Variants in TLN2 observed in about 807,000 individuals in gnomAD.
The protein encoded by TLN2 is talin-2.
In TLN2, 118 loss-of-function variants were observed where a neutral mutation model predicts 294.7. That is an observed-to-expected ratio of 0.40 (90% CI 0.34 to 0.47). The LOEUF (loss-of-function observed/expected upper bound fraction) is 0.47, where lower values mean the gene tolerates loss of function less well. TLN2 is among the 20% of genes least tolerant of loss of function. The pLI is 0.84. For synonymous variants in TLN2, 1,431 were observed against 1,304.5 expected, an observed-to-expected ratio of 1.10 and a Z score of -2.09; for missense variants, 3,083 against 3,282.2, an observed-to-expected ratio of 0.94 and a Z score of 1.48.
chr15:62,585,207 C>T (rs2117550), intron 1 of TLN2, among the ~76,000 whole-genome samples: 24,389 of 152,156 alleles, frequency 0.16, 2,449 homozygotes, highest in East Asian at 0.38. Context: ...CCAAGTAAAA[C>T]GAGGAAAACC....
At chr15:62,704,854 T>C (rs1051758088) in intron 19 of TLN2, among the ~76,000 whole-genome samples, 1 of 152,230 alleles carries the variant, frequency 6.6e-6, no homozygotes. Flanking sequence ...CAGGTAATTA[T>C]TTGTAGGCAG....
rs1381394971 is a variant in TLN2, at chr15:62,492,554, AAAAAAAG to A, written c.-237-97126_-237-97120del. ...GCGAGACTCTGTCTCAAAAAAAAAA[AAAAAAAG>A]AAAAAAAGAAAAAAAACTATTCCAA... On this transcript the variant is annotated intron_variant, in intron 1 of 58. Transcript: ENST00000636159. Among the ~76,000 whole-genome samples the A allele has an allele frequency of 3.5e-3, 521 of 150,964 alleles. 3 individuals carry two copies. The highest frequency in any genetic ancestry group is 0.012 in the African/African-American group (489 of 41,034).
In TLN2 at chr15:62,707,093, T is replaced by C; in HGVS notation, c.2012T>C (p.Leu671Ser). The C allele has an allele frequency of 6.2e-7, 1 of 1,611,932 alleles. No homozygotes were observed. Among genetic ancestry groups the C allele is most frequent in the Non-Finnish European group, 8.5e-7 (1 of 1,178,686 alleles). ...NETDERFQDV[L>S]MSLAKAVANA... ...TTGATTCCCTTTTCTTAGGATGTTT[T>C]AATGAGTTTGGCCAAAGCTGTTGCC... Residue 671 changes from leucine (L) to serine (S), a missense_variant, in exon 20 of 59, where the codon TTA becomes TCA. Transcript: ENST00000636159.
chr15:62,725,167 T>C lies in TLN2; in HGVS notation c.3255+63T>C, dbSNP rs2060368748. The C allele has an allele frequency of 3.2e-6, 5 of 1,547,030 alleles. No individual in the cohort carries two copies. In the South Asian group the frequency reaches 3.6e-5, roughly 11 times the overall value. On this transcript the variant is annotated intron_variant, in intron 27 of 58. Transcript: ENST00000636159. ...TTTGTTATGACGTTATTAAATTGTT[T>C]GTTGTTAGGGTGTTTGCTAAAGTTG...
intron 7 of TLN2, among the ~76,000 whole-genome samples, chr15:62,654,581 C>A (rs956915746): frequency 6.6e-6 from 1 of 151,682 alleles, no homozygotes; most frequent in Non-Finnish European, 1.5e-5. Context: ...CGGTGAAACC[C>A]TATCTCTGCT....
In TLN2 at chr15:62,713,654, G is replaced by A. The variant is rs138174428; in HGVS notation, c.2634+1577G>A. On this transcript the variant is annotated intron_variant, in intron 22 of 58. Transcript: ENST00000636159. ...AGATCGTGCCATTGCATTCCATCCC[G>A]GGAGATACTGCAAGACTCTGTCTCA... Among the ~76,000 whole-genome samples the A allele has an allele frequency of 9.2e-5, 14 of 152,170 alleles. 1 individual carries two copies. In the East Asian group the frequency reaches 2.7e-3, roughly 29 times the overall value.
chr15:62,769,910 C>G (rs1191622505), intron 41 of TLN2, among the ~76,000 whole-genome samples: 1 of 152,190 alleles, frequency 6.6e-6, no homozygotes, highest in African/African-American at 2.4e-5. Flanking sequence ...AGGATAGATT[C>G]TGAGAGGGGA....
At chr15:62,677,368 C>G (rs780360440) in intron 11 of TLN2, among the ~76,000 whole-genome samples, 25 of 152,234 alleles carry the variant, frequency 1.6e-4, no homozygotes, top group Non-Finnish European at 2.9e-4. Context: ...AGGCTTCACA[C>G]AGTCAGTTTC....
chr15:62,541,732 T>C (rs2140523826), intron 1 of TLN2, among the ~76,000 whole-genome samples: 1 of 152,258 alleles, frequency 6.6e-6, no homozygotes, highest in South Asian at 2.1e-4. Flanking sequence ...TCAGTTTTCA[T>C]TGCATTATAT....
intron 37 of TLN2, chr15:62,758,732 G>T (rs902007739): frequency 6.6e-6 from 1 of 152,204 alleles, no homozygotes; most frequent in Admixed American, 6.5e-5. Context: ...AAGGAAAAAG[G>T]CTGTTGGGCT....
chr15:62,446,288 C>T (rs1343840634), intron 1 of TLN2, among the ~76,000 whole-genome samples: 1 of 152,172 alleles, frequency 6.6e-6, no homozygotes, highest in Non-Finnish European at 1.5e-5. Context: ...CCACCGCGCC[C>T]GGCTTAAGCT....
intron 45 of TLN2, among the ~76,000 whole-genome samples, chr15:62,790,486 A>C (rs928726100): frequency 6.6e-6 from 1 of 152,210 alleles, no homozygotes; most frequent in Non-Finnish European, 1.5e-5. Flanking sequence ...GGCAAATCAC[A>C]TCACTTCTCT....
chr15:62,507,094 C>T (rs1205770108), intron 1 of TLN2, among the ~76,000 whole-genome samples: 2 of 152,024 alleles, frequency 1.3e-5, no homozygotes, highest in Non-Finnish European at 2.9e-5. Context: ...TCTCGTTTTC[C>T]CCCAAAGAAT....
chr15:62,592,876 G>A (rs1306956337), intron 2 of TLN2, among the ~76,000 whole-genome samples: 4 of 152,180 alleles, frequency 2.6e-5, no homozygotes, highest in Non-Finnish European at 5.9e-5. Flanking sequence ...GTGGGGGAAT[G>A]ATAAATGATT....
At position 62,764,643 on chromosome 15, in the gene TLN2, C is replaced by T. The variant is rs566942316; in HGVS notation, c.5094+948C>T. Among the ~76,000 whole-genome samples, 9 of 152,190 alleles carry T rather than the reference C, an allele frequency of 5.9e-5. No homozygotes were observed. The South Asian group carries it at 1.9e-3, about 32-fold the overall frequency. On this transcript the variant is annotated intron_variant, in intron 40 of 58. Coordinates refer to ENST00000636159, the MANE Select transcript of TLN2 (RefSeq NM_015059.3). ...ATCACCAACTGAACAGGCCTTTCAA[C>T]CGGCAGCCAGATCAAGAAACAAAGT...
At chr15:62,599,260 G>A (rs1333130641) in intron 2 of TLN2, among the ~76,000 whole-genome samples, 1 of 152,214 alleles carries the variant, frequency 6.6e-6, no homozygotes, top group Non-Finnish European at 1.5e-5. Flanking sequence ...ATAGAGGGGA[G>A]TCAATATTTA....
At chr15:62,799,353 A>C (rs1235124072) in intron 48 of TLN2, among the ~76,000 whole-genome samples, 1 of 152,194 alleles carries the variant, frequency 6.6e-6, no homozygotes, top group African/African-American at 2.4e-5. Flanking sequence ...TTATTATAGA[A>C]ATAGGAGTTA....
At chr15:62,606,217 G>A (rs1018270515) in intron 2 of TLN2, among the ~76,000 whole-genome samples, 5 of 151,356 alleles carry the variant, frequency 3.3e-5, no homozygotes, top group African/African-American at 1.2e-4. Context: ...ATGCAGCTGG[G>A]ACTATAGGCA....
chr15:62,586,179 A>G (rs1596253028), intron 1 of TLN2, among the ~76,000 whole-genome samples: 1 of 152,224 alleles, frequency 6.6e-6, no homozygotes, highest in East Asian at 1.9e-4. Context: ...CTTGTTTCGC[A>G]CTAAAGGGGG....
Sources: gnomAD v4.1 joint callset for allele counts (sites outside exome capture counted in the v4.1 genomes callset) on GRCh38, gnomAD v4.1.1 for gene constraint, MANE v1.5 for transcripts, NCBI Gene and HGNC (gene_info 2026-07-23, HGNC 2026-07-21) for gene names.